The following CCDC91 variants were observed in gnomAD, a reference collection of about 807,000 sequenced individuals.
The protein encoded by CCDC91 is coiled-coil domain-containing protein 91.
In CCDC91, 48 loss-of-function variants were observed where a neutral mutation model predicts 63.2. The observed-to-expected ratio is 0.76, with a 90% CI of 0.60 to 0.97. The LOEUF (loss-of-function observed/expected upper bound fraction) is 0.97, where lower values mean the gene tolerates loss of function less well. Among genes scored for constraint, CCDC91 ranks in the 50% least tolerant of loss-of-function variants. The pLI, the probability that CCDC91 is intolerant of heterozygous loss-of-function variation, is 0.00. For missense variants in CCDC91, 500 were observed against 494.6 expected (o/e 1.01, Z -0.10); for synonymous variants, 167 against 165.8 (o/e 1.01, Z -0.06).
chr12:28,517,755 C>T (rs1393615215), intron 12 of CCDC91, among the ~76,000 whole-genome samples: 1 of 151,732 alleles, frequency 6.6e-6, no homozygotes, highest in Admixed American at 6.6e-5. Context: ...ATACACTGCA[C>T]CCAATTTGTA....
intron 12 of CCDC91, among the ~76,000 whole-genome samples, chr12:28,520,541 A>C (rs1432004404): frequency 6.6e-6 from 1 of 152,082 alleles, no homozygotes; most frequent in African/African-American, 2.4e-5. Flanking sequence ...CTCTGATGGT[A>C]GTTTCTTTTG....
intron 8 of CCDC91, among the ~76,000 whole-genome samples, chr12:28,406,899 A>G (rs1592578965): frequency 6.7e-6 from 1 of 150,272 alleles, no homozygotes; most frequent in South Asian, 2.1e-4. Flanking sequence ...TGTACATGAC[A>G]TGGTTTGGAT....
At chr12:28,494,703 T>C (rs1952188830) in intron 12 of CCDC91, among the ~76,000 whole-genome samples, 1 of 151,694 alleles carries the variant, frequency 6.6e-6, no homozygotes, top group African/African-American at 2.4e-5. Context: ...GATGAAATGG[T>C]TTACTATTGT....
In CCDC91 at chr12:28,450,188, A is replaced by G; in HGVS notation, c.790A>G (p.Thr264Ala). The change falls in exon 9 of 13, where the codon ACA becomes GCA. Residue 264 changes from threonine to alanine, a missense_variant. Physicochemically the swap from Thr to Ala is moderately conservative, Grantham distance 58. Transcript: ENST00000536442. Reference protein sequence around the residue: ...QHQRLLEMLDTEKELLKEKIK... With the variant: ...QHQRLLEMLDAEKELLKEKIK... ...TCAGAGGCTCCTTGAAATGCTAGAT[A>G]CAGAGAAGGAACTGTTAAAAGAAAA... is the stretch of plus-strand genomic sequence containing the variant. The G allele has an allele frequency of 1.9e-6, 3 of 1,608,344 alleles. No individual in the cohort carries two copies. The highest frequency in any genetic ancestry group is 1.7e-6 in the Non-Finnish European group (2 of 1,176,872).
chr12:28,478,662 A>G (rs1951260070), intron 11 of CCDC91, among the ~76,000 whole-genome samples: 1 of 152,222 alleles, frequency 6.6e-6, no homozygotes, highest in Non-Finnish European at 1.5e-5. Context: ...AACTACCATC[A>G]GAGTGAACAG....
At chr12:28,428,174 G>A (rs1948429922) in intron 8 of CCDC91, among the ~76,000 whole-genome samples, 1 of 152,116 alleles carries the variant, frequency 6.6e-6, no homozygotes, top group South Asian at 2.1e-4. Context: ...TTCACTGTGT[G>A]CCCTCATATA....
intron 6 of CCDC91, among the ~76,000 whole-genome samples, chr12:28,355,727 T>C (rs1943480772): frequency 6.6e-6 from 1 of 152,198 alleles, no homozygotes; most frequent in Admixed American, 6.5e-5. Context: ...TCACTGTATC[T>C]GTTAGGAGAA....
intron 6 of CCDC91, among the ~76,000 whole-genome samples, chr12:28,316,230 G>A (rs1366081028): frequency 6.6e-6 from 1 of 151,540 alleles, no homozygotes; most frequent in Non-Finnish European, 1.5e-5. Context: ...CTTCCTTATG[G>A]TGACTCCTGT....
intron 7 of CCDC91, among the ~76,000 whole-genome samples, chr12:28,369,661 A>G (rs1261735647): frequency 6.6e-6 from 1 of 152,098 alleles, no homozygotes; most frequent in Non-Finnish European, 1.5e-5. Flanking sequence ...CCCCTAGTAG[A>G]GGTTCTCTGT....
At chr12:28,198,925 T>C (rs1003266754) in intron 1 of CCDC91, 4 of 141,038 alleles carry the variant, frequency 2.8e-5, no homozygotes, top group African/African-American at 1.0e-4. Context: ...TTGATGTTTC[T>C]CTTTTTTTTT....
intron 8 of CCDC91, among the ~76,000 whole-genome samples, chr12:28,423,598 T>C (rs1260657381): frequency 6.6e-6 from 1 of 152,130 alleles, no homozygotes; most frequent in Non-Finnish European, 1.5e-5. Context: ...TTAAAGTATT[T>C]TAAAACGCTG....
At chr12:28,537,021 A>G (rs1299979097) in intron 12 of CCDC91, among the ~76,000 whole-genome samples, 2 of 152,164 alleles carry the variant, frequency 1.3e-5, no homozygotes, top group African/African-American at 4.8e-5. Context: ...ATCATATTTT[A>G]TCCATGATAT....
chr12:28,203,131 T>G (rs1312862364), intron 1 of CCDC91, among the ~76,000 whole-genome samples: 2 of 152,232 alleles, frequency 1.3e-5, no homozygotes, highest in East Asian at 3.8e-4. Context: ...TTGAGCCTTC[T>G]AGTTTTCAAG....
chr12:28,242,886 C>T (rs142737853), intron 1 of CCDC91, among the ~76,000 whole-genome samples: 169 of 152,106 alleles, frequency 1.1e-3, no homozygotes, highest in African/African-American at 3.7e-3. Context: ...AAGTGTGTAG[C>T]GCCTGCCCCC....
At chr12:28,243,235 G>A (rs1945465352) in intron 1 of CCDC91, among the ~76,000 whole-genome samples, 1 of 152,172 alleles carries the variant, frequency 6.6e-6, no homozygotes, top group Non-Finnish European at 1.5e-5. Context: ...GGTGAGTCAA[G>A]TAGGTTGTAT....
intron 11 of CCDC91, among the ~76,000 whole-genome samples, chr12:28,477,649 A>G (rs936836977): frequency 1.1e-4 from 17 of 152,120 alleles, no homozygotes; most frequent in African/African-American, 2.9e-4. Context: ...AGGGTATTCA[A>G]TCAGGAAAAG....
chr12:28,197,461 C>G (rs1447758030), intron 1 of CCDC91, among the ~76,000 whole-genome samples: 3 of 151,842 alleles, frequency 2.0e-5, no homozygotes, highest in African/African-American at 7.3e-5. Context: ...CATGTAAAAC[C>G]CTTTATGTAT....
intron 11 of CCDC91, among the ~76,000 whole-genome samples, chr12:28,460,527 T>G (rs1950253007): frequency 6.6e-6 from 1 of 152,082 alleles, no homozygotes; most frequent in Admixed American, 6.6e-5. Context: ...TAATACCTGC[T>G]TTGCATAGTT....
chr12:28,244,494 C>CTTTGTTTTT (rs1945572429), intron 1 of CCDC91, among the ~76,000 whole-genome samples: 1 of 38,406 alleles, frequency 2.6e-5, no homozygotes. Context: ...TAGAAGAAGG[C>CTTTGTTTTT]TTTTTTTTTT....
Sources: gnomAD v4.1 joint callset for allele counts (sites outside exome capture counted in the v4.1 genomes callset) on GRCh38, gnomAD v4.1.1 for gene constraint, MANE v1.5 for transcripts, NCBI Gene and HGNC (gene_info 2026-07-23, HGNC 2026-07-21) for gene names.